UBE2Z: variants seen among roughly 807,000 people sequenced by gnomAD.
UBE2Z encodes the protein ubiquitin conjugating enzyme E2 Z.
A neutral mutation model predicts 32.6 loss-of-function variants in UBE2Z; 10 were observed. The observed-to-expected ratio is 0.31, with a 90% confidence interval of 0.19 to 0.52. The LOEUF (loss-of-function observed/expected upper bound fraction) is 0.52. Among genes scored for constraint, UBE2Z ranks in the 20% least tolerant of loss-of-function variants. The pLI, the probability that UBE2Z is intolerant of heterozygous loss-of-function variation, is 0.97. For missense variants in UBE2Z, 343 were observed against 480.9 expected (o/e 0.71, Z 2.68); for synonymous variants, 183 against 190.8 (o/e 0.96, Z 0.34).
chr17:48,909,316 A>G (rs1017661557), intron 1 of UBE2Z, among the ~76,000 whole-genome samples: 15 of 151,374 alleles, frequency 9.9e-5, no homozygotes, highest in Middle Eastern at 3.4e-3. Flanking sequence ...GACTCGAGCC[A>G]ACCTTTCTTT....
intron 1 of UBE2Z, among the ~76,000 whole-genome samples, chr17:48,909,153 G>T (rs1405056452): frequency 3.0e-5 from 4 of 131,632 alleles, no homozygotes; most frequent in African/African-American, 1.2e-4. Flanking sequence ...CTTCAGTAAC[G>T]CCCCCTCCCG....
At chr17:48,926,208 G>T (rs1446573784) in intron 6 of UBE2Z, among the ~76,000 whole-genome samples, 1 of 152,160 alleles carries the variant, frequency 6.6e-6, no homozygotes, top group African/African-American at 2.4e-5. Context: ...CAGAACTCTT[G>T]AATTCTAGAC....
intron 2 of UBE2Z, chr17:48,911,887 T>C (rs1292593728): frequency 6.6e-6 from 1 of 152,152 alleles, no homozygotes; most frequent in Non-Finnish European, 1.5e-5. Context: ...CACGTCCCTT[T>C]CCTTTTGCTG....
Position 48,914,572 on chromosome 17 carries a change from G to A in UBE2Z, c.579-1504G>A, listed in dbSNP as rs535141923. The stretch of plus-strand genomic sequence containing the variant: ...CGTTGCTTCTGTATGAAATTTGTTC[G>A]CGAAAGCGTGTCTCAAAGTAGGCTC... On this transcript the variant is annotated intron_variant, in intron 3 of 6. Coordinates refer to ENST00000360943, the MANE Select transcript of UBE2Z (RefSeq NM_023079.5). Among the ~76,000 whole-genome samples, 202 of 152,270 alleles carry A rather than the reference G, an allele frequency of 1.3e-3. 1 individual carries two copies. The highest frequency in any genetic ancestry group is 1.4e-3 in the Non-Finnish European group (98 of 68,024).
intron 4 of UBE2Z, among the ~76,000 whole-genome samples, chr17:48,920,055 CAT>C (rs963263198): frequency 1.3e-5 from 2 of 151,958 alleles, no homozygotes; most frequent in African/African-American, 4.8e-5. Flanking sequence ...GGCATTGTGA[CAT>C]GTGCCTTGAG....
intron 2 of UBE2Z, 63 bp downstream of exon 2, chr17:48,910,943 C>A: frequency 7.6e-7 from 1 of 1,319,290 alleles, no homozygotes; most frequent in Non-Finnish European, 1.1e-6. Context: ...GTTGCAAAAG[C>A]CTAAAAGAGA....
intron 1 of UBE2Z, 186 bp from the exon 2 acceptor site, chr17:48,910,622 C>T (rs1441209392): frequency 3.9e-6 from 2 of 508,448 alleles, no homozygotes; most frequent in South Asian, 3.3e-5. Flanking sequence ...AATTTGCTCT[C>T]TGCCTGCCTG....
At position 48,912,848 on chromosome 17, in the gene UBE2Z, C is replaced by A. The variant is rs1026620656; in HGVS notation, c.405C>A (p.Ile135=). 3.1e-6 allele frequency: 5 copies of A among 1,613,684 alleles called. No homozygotes were observed. Among genetic ancestry groups the A allele is most frequent in the Non-Finnish European group, 3.4e-6 (4 of 1,179,872 alleles). ...TTATTTTGCAGATTCATGCATTGAT[C>A]ACAGGCCCATTTGACACTCCTTATG... is the stretch of plus-strand genomic sequence containing the variant. ...TVDMTKIHAL[I]TGPFDTPYEG... The change falls in exon 3 of 7, where the codon ATC becomes ATA. Residue 135 remains isoleucine, a synonymous_variant. Coordinates refer to ENST00000360943, the MANE Select transcript of UBE2Z (RefSeq NM_023079.5).
chr17:48,916,108 A>C lies in UBE2Z; in HGVS notation c.611A>C (p.Gln204Pro). The C allele has an allele frequency of 6.3e-7, 1 of 1,589,872 alleles. No homozygotes were observed. Among genetic ancestry groups the C allele is most frequent in the Non-Finnish European group, 8.5e-7 (1 of 1,170,868 alleles). ...TWTGPAWSPAQSISSVLISIQ... is the reference protein window; with the variant it reads ...TWTGPAWSPAPSISSVLISIQ... ...ACTGGACCTGCCTGGAGCCCAGCCC[A>C]GAGCATCTCCTCAGTGCTCATCTCT... The change falls in exon 4 of 7, where the codon CAG becomes CCG. Residue 204 changes from glutamine to proline, a missense_variant. Gln to Pro is a moderately conservative substitution (Grantham distance 76, BLOSUM62 -1). This residue lies in a region of UBE2Z where 182 missense variants were observed against 312.4 expected (regional missense o/e 0.58). Coordinates refer to ENST00000360943, the MANE Select transcript of UBE2Z (RefSeq NM_023079.5).
intron 3 of UBE2Z, among the ~76,000 whole-genome samples, chr17:48,913,818 A>G (rs984199435): frequency 1.3e-5 from 2 of 152,184 alleles, no homozygotes; most frequent in Non-Finnish European, 2.9e-5. Flanking sequence ...GAGTCTTGCA[A>G]TAAGTTGCTT....
chr17:48,922,747 AC>A (rs2143773699), intron 5 of UBE2Z, 99 bp from the exon 6 acceptor site: 1 of 840,336 alleles, frequency 1.2e-6, no homozygotes, highest in East Asian at 2.8e-5. Context: ...AACATGGGCT[AC>A]AGAGCAAGAC....
chr17:48,910,726 G>T, intron 1 of UBE2Z, 82 bp from the exon 2 acceptor site: 1 of 1,061,840 alleles, frequency 9.4e-7, no homozygotes, highest in Non-Finnish European at 1.5e-6. Context: ...TCATTGAGGT[G>T]ATAACAACTG....
At chr17:48,912,665 C>T (rs899641093) in intron 2 of UBE2Z, 169 bp from the exon 3 acceptor site, 10 of 654,230 alleles carry the variant, frequency 1.5e-5, no homozygotes, top group East Asian at 5.1e-5. Flanking sequence ...TCCAAACCTA[C>T]GTATTAGTAT....
At chr17:48,922,534 C>T (rs999809414) in intron 5 of UBE2Z, among the ~76,000 whole-genome samples, 1 of 151,792 alleles carries the variant, frequency 6.6e-6, no homozygotes, top group African/African-American at 2.4e-5. Flanking sequence ...TTTGGGAGGC[C>T]GACGCAGGCA....
chr17:48,923,690 A>C (rs2040779017), intron 6 of UBE2Z, among the ~76,000 whole-genome samples: 1 of 151,214 alleles, frequency 6.6e-6, no homozygotes, highest in Non-Finnish European at 1.5e-5. Context: ...ACTGATTTTC[A>C]TGAAGTCATA....
chr17:48,923,733 C>CTTT (rs542975589), intron 6 of UBE2Z, among the ~76,000 whole-genome samples: 5 of 140,238 alleles, frequency 3.6e-5, no homozygotes, highest in Non-Finnish European at 7.8e-5. Context: ...TCAGTAGCCT[C>CTTT]TTTTTTTTTT....
At chr17:48,923,121 A>G (rs892717352) in intron 6 of UBE2Z, 184 bp downstream of exon 6, 7 of 485,212 alleles carry the variant, frequency 1.4e-5, no homozygotes, top group African/African-American at 7.9e-5. Context: ...GGAAATTGAG[A>G]CCATCCTGGC....
At chr17:48,910,719 T>C in intron 1 of UBE2Z, 89 bp from the exon 2 acceptor site, 8 of 975,528 alleles carry the variant, frequency 8.2e-6, no homozygotes, top group East Asian at 2.4e-5. Flanking sequence ...CCTGGCCTCA[T>C]TGAGGTGATA....
chr17:48,912,920 C>T lies in UBE2Z; in HGVS notation c.477C>T (p.Pro159=). The change falls in exon 3 of 7, where the codon CCC becomes CCT. Residue 159 remains proline (P), a synonymous_variant. Transcript: ENST00000360943. ...TGTTTCGGTGTCCGCCCGACTATCC[C>T]ATCCACCCACCTCGGGTCAAACTGA... ...LFVFRCPPDY[P]IHPPRVKLMT... 6.2e-7 allele frequency: 1 copy of T among 1,613,876 alleles called. No homozygotes were observed. Among genetic ancestry groups the T allele is most frequent in the Non-Finnish European group, 8.5e-7 (1 of 1,179,868 alleles).
Sources: allele counts gnomAD v4.1 joint callset (sites outside exome capture counted in the v4.1 genomes callset), GRCh38; gene constraint gnomAD v4.1.1; regional missense constraint gnomAD v4.1.1; transcripts MANE v1.5; gene names NCBI Gene and HGNC (gene_info 2026-07-23, HGNC 2026-07-21).